TNFRSF13C: variants seen among roughly 807,000 people sequenced by gnomAD.
TNFRSF13C encodes tumor necrosis factor receptor superfamily member 13C.
In TNFRSF13C, 7 loss-of-function variants were observed where a neutral mutation model predicts 12.1. The observed-to-expected ratio is 0.58, with a 90% confidence interval of 0.33 to 1.08. The LOEUF is 1.08. TNFRSF13C is among the 50% of genes least tolerant of loss of function. The probability of loss-of-function intolerance (pLI) is 0.04; values close to 1 mark genes in which losing one functional copy is unlikely to be tolerated. For synonymous variants in TNFRSF13C, 157 were observed against 130.8 expected, an observed-to-expected ratio of 1.20 and a Z score of -1.37; for missense variants, 260 against 265.9, an observed-to-expected ratio of 0.98 and a Z score of 0.15.
rs761753878 is a variant in TNFRSF13C, at chr22:41,926,058, C to T, written c.367+43G>A. The T allele has an allele frequency of 1.2e-6, 2 of 1,610,602 alleles. No homozygotes were observed. The highest frequency in any genetic ancestry group is 1.1e-5 in the South Asian group (1 of 90,734). On this transcript the variant is annotated intron_variant, in intron 2 of 2. Transcript: ENST00000291232. The surrounding 1 kb of genome is among the most constrained non-coding windows in gnomAD (Gnocchi z 4.9). ...CCTAGACCGTCCCGACACCCCAGCC[C>T]CTGCGCCCCGCTCAGACTGGTTCCC...
rs966428998 is a variant in TNFRSF13C, at chr22:41,924,339, T to C, written c.*1028A>G. On this transcript the variant is annotated 3_prime_UTR_variant, in exon 3 of 3. Coordinates refer to ENST00000291232, the MANE Select transcript of TNFRSF13C (RefSeq NM_052945.4). ...GTCTCTACTAAAAATACAAAAAAAA[T>C]TAGCCGGGCGTGATGGCGGGCGCCT... The C allele has an allele frequency of 4.7e-5, 7 of 150,220 alleles. No individual in the cohort carries two copies. Among genetic ancestry groups the C allele is most frequent in the Non-Finnish European group, 8.9e-5 (6 of 67,466 alleles). The allele number at this position is 150,220 out of a possible 1,614,324, so 9.3% of individuals were successfully genotyped here.
At position 41,923,810 on chromosome 22, in the gene TNFRSF13C, C is replaced by T. The variant is rs1407137376; in HGVS notation, c.*1557G>A. The T allele has an allele frequency of 1.3e-5, 2 of 152,232 alleles. No homozygotes were observed. Among genetic ancestry groups the T allele is most frequent in the African/African-American group, 2.4e-5 (1 of 41,462 alleles). The allele number at this position is 152,232 out of a possible 1,614,324, so 9.4% of individuals were successfully genotyped here. On this transcript the variant is annotated 3_prime_UTR_variant, in exon 3 of 3. Transcript: ENST00000291232. ...GAGTCCAGCCCTGGAGGCTGCGCAC[C>T]TCCTCCCAAATGCAGGCTTGTGGCT...
In TNFRSF13C at chr22:41,925,350, C is replaced by T. The variant is rs1488612535; in HGVS notation, c.*17G>A. 13 of 1,592,368 alleles carry T rather than the reference C, an allele frequency of 8.2e-6. No individual in the cohort carries two copies. The highest frequency in any genetic ancestry group is 8.5e-6 in the Non-Finnish European group (10 of 1,172,766). Reference sequence around the variant, plus strand: ...GGTCCAGAGGGAGGGCAGGGGCCACCTCCTGCCGGCTCCCTGCTATTGTTG... The same window carrying T: ...GGTCCAGAGGGAGGGCAGGGGCCACTTCCTGCCGGCTCCCTGCTATTGTTG... On this transcript the variant is annotated 3_prime_UTR_variant, in exon 3 of 3. Transcript: ENST00000291232.
rs1468468985 is a variant in TNFRSF13C, at chr22:41,925,127, C to CAGGA, written c.*236_*239dup. On this transcript the variant is annotated 3_prime_UTR_variant, in exon 3 of 3. Coordinates refer to ENST00000291232, the MANE Select transcript of TNFRSF13C (RefSeq NM_052945.4). Reference sequence around the variant, plus strand: ...CCCCAGCCTTTTGAAGGCACAGGAACAGGAGCTGGGCTACCACCTTCAAGG... The same window carrying CAGGA: ...CCCCAGCCTTTTGAAGGCACAGGAACAGGAAGGAGCTGGGCTACCACCTTCAAGG... 3 of 490,236 alleles carry CAGGA rather than the reference C, an allele frequency of 6.1e-6. No individual in the cohort carries two copies. Among genetic ancestry groups the CAGGA allele is most frequent in the African/African-American group, 5.8e-5 (3 of 51,900 alleles). The allele number at this position is 490,236 out of a possible 1,614,324, so 30.4% of individuals were successfully genotyped here. A position where few individuals can be genotyped will look rare whatever the true frequency, so the allele number is the denominator to read the frequency against.
Position 41,926,255 on chromosome 22 carries a change from C to G in TNFRSF13C, c.213G>C (p.Ala71=). The change falls in exon 2 of 3, where the codon GCG becomes GCC. Residue 71 remains alanine (A), a synonymous_variant. Coordinates refer to ENST00000291232, the MANE Select transcript of TNFRSF13C (RefSeq NM_052945.4). The surrounding 1 kb of genome is among the most constrained non-coding windows in gnomAD (Gnocchi z 4.9). ...ESVGAGAGEA[A]LPLPGLLFGA... Reference sequence around the variant, plus strand: ...CAAAGAGCAGCCCGGGCAGGGGCAGCGCCGCCTCGCCGGCCCCCGCGCCCA... The same window carrying G: ...CAAAGAGCAGCCCGGGCAGGGGCAGGGCCGCCTCGCCGGCCCCCGCGCCCA... 1 of 1,504,554 alleles carries G rather than the reference C, an allele frequency of 6.6e-7. No homozygotes were observed. The highest frequency in any genetic ancestry group is 8.8e-7 in the Non-Finnish European group (1 of 1,133,912). 93.2% of individuals were successfully genotyped at this position (1,504,554 alleles called of 1,614,324 possible). A position where few individuals can be genotyped will look rare whatever the true frequency, so the allele number is the denominator to read the frequency against.
chr22:41,925,985 G>A (rs1022147870), intron 2 of TNFRSF13C, 116 bp downstream of exon 2: 2 of 1,392,858 alleles, frequency 1.4e-6, no homozygotes, highest in Non-Finnish European at 2.0e-6. Context: ...CTCTGTCTCC[G>A]TTTCCCCTTA....
rs2077625207 is a variant in TNFRSF13C at position 41,925,625 on chromosome 22, G to A, written c.368-71C>T. On this transcript the variant is annotated intron_variant, in intron 2 of 2. Transcript: ENST00000291232. ...CCTCCCTCCCCTAGAAGACTCCTCT[G>A]GAGGGGCAGTCCTCCGTCAAATGAA... The A allele has an allele frequency of 4.4e-6, 7 of 1,573,344 alleles. No homozygotes were observed. The East Asian group carries it at 1.6e-4, about 35-fold the overall frequency.
rs112684328 is a variant in TNFRSF13C, at chr22:41,923,709, G to C, written c.*1658C>G. 9 of 152,374 alleles carry C rather than the reference G, an allele frequency of 5.9e-5. 1 individual carries two copies. Among genetic ancestry groups the C allele is most frequent in the African/African-American group, 2.2e-4 (9 of 41,576 alleles). The allele number at this position is 152,374 out of a possible 1,614,324, so 9.4% of individuals were successfully genotyped here. On this transcript the variant is annotated 3_prime_UTR_variant, in exon 3 of 3. Coordinates refer to ENST00000291232, the MANE Select transcript of TNFRSF13C (RefSeq NM_052945.4). ...TTCCATGTTTATGGCTAAATGTGCT[G>C]TGTCTTGGAGCAGCTGGAACCCCAG...
Position 41,926,289 on chromosome 22 carries a change from T to G in TNFRSF13C, c.179A>C (p.Gln60Pro). The G allele has an allele frequency of 6.8e-7, 1 of 1,480,710 alleles. No homozygotes were observed. Among genetic ancestry groups the G allele is most frequent in the Non-Finnish European group, 8.9e-7 (1 of 1,123,732 alleles). The allele number at this position is 1,480,710 out of a possible 1,614,324, so 91.7% of individuals were successfully genotyped here. The change falls in exon 2 of 3, where the codon CAG (glutamine) becomes CCG (proline). Residue 60 changes from glutamine to proline, a missense_variant. Physicochemically the swap from Gln to Pro is moderately conservative, Grantham distance 76. Coordinates refer to ENST00000291232, the MANE Select transcript of TNFRSF13C (RefSeq NM_052945.4). This position sits in a 1 kb window ranked among gnomAD's most constrained non-coding sequence, Gnocchi z 4.9. Reference protein sequence around the residue: ...SPAPRTALQPQESVGAGAGEA... With the variant: ...SPAPRTALQPPESVGAGAGEA... ...GCCGGCCCCCGCGCCCACCGACTCCTGCGGCTGCAGCGCCGTCCTGGGCGC... is the reference window on the plus strand; with the variant it reads ...GCCGGCCCCCGCGCCCACCGACTCCGGCGGCTGCAGCGCCGTCCTGGGCGC...
At position 41,923,793 on chromosome 22, in the gene TNFRSF13C, C is replaced by T. The variant is rs2077616205; in HGVS notation, c.*1574G>A. On this transcript the variant is annotated 3_prime_UTR_variant, in exon 3 of 3. Coordinates refer to ENST00000291232, the MANE Select transcript of TNFRSF13C (RefSeq NM_052945.4). ...CCTTCAGCTCGAGTTTGGAGTCCAG[C>T]CCTGGAGGCTGCGCACCTCCTCCCA... The T allele has an allele frequency of 6.6e-6, 1 of 152,204 alleles. No individual in the cohort carries two copies. The highest frequency in any genetic ancestry group is 6.5e-5 in the Admixed American group (1 of 15,280). 9.4% of individuals were successfully genotyped at this position (152,204 alleles called of 1,614,324 possible). A position where few individuals can be genotyped will look rare whatever the true frequency, so the allele number is the denominator to read the frequency against.
At position 41,924,949 on chromosome 22, in the gene TNFRSF13C, C is replaced by CAAAAAAAAGAAAAA. The variant is rs2077621804; in HGVS notation, c.*417_*418insTTTTTCTTTTTTTT. 2 of 45,318 alleles carry CAAAAAAAAGAAAAA rather than the reference C, an allele frequency of 4.4e-5. No homozygotes were observed. The highest frequency in any genetic ancestry group is 2.1e-4 in the African/African-American group (2 of 9,724). The allele number at this position is 45,318 out of a possible 1,614,324, so 2.8% of individuals were successfully genotyped here. On this transcript the variant is annotated 3_prime_UTR_variant, in exon 3 of 3. Coordinates refer to ENST00000291232, the MANE Select transcript of TNFRSF13C (RefSeq NM_052945.4). ...CCTGGCGACAGAGCAAGACTCGTCT[C>CAAAAAAAAGAAAAA]AAAAAAAAAAAAAAAAAAAAAAAAA...
Position 41,926,350 on chromosome 22 carries a change from G to A in TNFRSF13C, c.137-19C>T. Reference sequence around the variant, plus strand: ...GCCCCGGCTGCTTCGGGAGGGGACAGGGAGGGAGGCCAGGGGGCCGAGGGG... The same window carrying A: ...GCCCCGGCTGCTTCGGGAGGGGACAAGGAGGGAGGCCAGGGGGCCGAGGGG... On this transcript the variant is annotated intron_variant, in intron 1 of 2. Coordinates refer to ENST00000291232, the MANE Select transcript of TNFRSF13C (RefSeq NM_052945.4). The surrounding 1 kb of genome is among the most constrained non-coding windows in gnomAD (Gnocchi z 4.9). 4 of 1,380,414 alleles carry A rather than the reference G, an allele frequency of 2.9e-6. No homozygotes were observed. In the East Asian group the frequency reaches 1.2e-4, roughly 42 times the overall value. The allele number at this position is 1,380,414 out of a possible 1,614,324, so 85.5% of individuals were successfully genotyped here.
intron 2 of TNFRSF13C, 147 bp downstream of exon 2, chr22:41,925,954 C>T: frequency 2.5e-6 from 3 of 1,186,648 alleles, no homozygotes; most frequent in South Asian, 2.7e-5. Context: ...GCCTGAGCTC[C>T]TCAGCGCAAA....
chr22:41,924,331 A>C lies in TNFRSF13C; in HGVS notation c.*1036T>G, dbSNP rs1273032042. 6.6e-6 allele frequency: 1 copy of C among 151,072 alleles called. No individual in the cohort carries two copies. Among genetic ancestry groups the C allele is most frequent in the Non-Finnish European group, 1.5e-5 (1 of 67,780 alleles). 9.4% of individuals were successfully genotyped at this position (151,072 alleles called of 1,614,324 possible). On this transcript the variant is annotated 3_prime_UTR_variant, in exon 3 of 3. Coordinates refer to ENST00000291232, the MANE Select transcript of TNFRSF13C (RefSeq NM_052945.4). ...GACACCCCGTCTCTACTAAAAATACAAAAAAAATTAGCCGGGCGTGATGGC... is the reference window on the plus strand; with the variant it reads ...GACACCCCGTCTCTACTAAAAATACCAAAAAAATTAGCCGGGCGTGATGGC...
chr22:41,926,341 G>A lies in TNFRSF13C; in HGVS notation c.137-10C>T. 1 of 1,404,032 alleles carries A rather than the reference G, an allele frequency of 7.1e-7. No individual in the cohort carries two copies. The highest frequency in any genetic ancestry group is 9.2e-7 in the Non-Finnish European group (1 of 1,087,558). The allele number at this position is 1,404,032 out of a possible 1,614,324, so 87.0% of individuals were successfully genotyped here. ...GGGCTGCTGGCCCCGGCTGCTTCGG[G>A]AGGGGACAGGGAGGGAGGCCAGGGG... On this transcript the variant is annotated splice_polypyrimidine_tract_variant and intron_variant, in intron 1 of 2. Coordinates refer to ENST00000291232, the MANE Select transcript of TNFRSF13C (RefSeq NM_052945.4). The surrounding 1 kb of genome is among the most constrained non-coding windows in gnomAD (Gnocchi z 4.9).
chr22:41,926,707 C>A lies in TNFRSF13C; in HGVS notation c.67G>T (p.Glu23Ter), dbSNP rs2077634682. The A allele has an allele frequency of 6.9e-7, 1 of 1,453,452 alleles. No homozygotes were observed. The highest frequency in any genetic ancestry group is 9.0e-7 in the Non-Finnish European group (1 of 1,107,590). The allele number at this position is 1,453,452 out of a possible 1,614,324, so 90.0% of individuals were successfully genotyped here. The stretch of plus-strand genomic sequence containing the variant: ...TGGCGGACCAGCAGGTCGAAGCACT[C>A]GGCCGGGACGCAGGGCGTGGGGGCT... ...APAPTPCVPA[E>*]CFDLLVRHCV... The change falls in exon 1 of 3, where the codon GAG becomes TAG. Residue 23 changes from glutamate (E) to a stop codon, truncating the protein, a stop_gained. Transcript: ENST00000291232. LOFTEE classifies it high-confidence loss of function. The surrounding 1 kb of genome is among the most constrained non-coding windows in gnomAD (Gnocchi z 4.9).
Position 41,925,330 on chromosome 22 carries a change from A to T in TNFRSF13C, c.*37T>A. The T allele has an allele frequency of 6.3e-7, 1 of 1,576,052 alleles. No individual in the cohort carries two copies. On this transcript the variant is annotated 3_prime_UTR_variant, in exon 3 of 3. Transcript: ENST00000291232. ...TTTCCAAGCCCCTGGCTGGGGGTCC[A>T]GAGGGAGGGCAGGGGCCACCTCCTG...
In TNFRSF13C at chr22:41,922,792, G is replaced by C. The variant is rs937183270; in HGVS notation, c.*2575C>G. ...TCAAGAGAAGATGGGGTGGGAGATG[G>C]GGTGGCCAGGAGAAGATGGGGTGGG... is the stretch of plus-strand genomic sequence containing the variant. On this transcript the variant is annotated 3_prime_UTR_variant, in exon 3 of 3. Coordinates refer to ENST00000291232, the MANE Select transcript of TNFRSF13C (RefSeq NM_052945.4). The C allele has an allele frequency of 1.3e-5, 2 of 149,244 alleles. No individual in the cohort carries two copies. Among genetic ancestry groups the C allele is most frequent in the African/African-American group, 5.0e-5 (2 of 40,260 alleles). 9.2% of individuals were successfully genotyped at this position (149,244 alleles called of 1,614,324 possible).
In TNFRSF13C at chr22:41,926,639, C is replaced by T. The variant is rs2077634125; in HGVS notation, c.135G>A (p.Pro45=). ...GCGCGCCCCGTGGGTCCCCCTTACCCGGTTTCGGCCGCGGCGTGCGCAGGA... is the reference window on the plus strand; with the variant it reads ...GCGCGCCCCGTGGGTCCCCCTTACCTGGTTTCGGCCGCGGCGTGCGCAGGA... ...CGLLRTPRPK[P]AGASSPAPRT... The change falls in exon 1 of 3, where the codon CCG becomes CCA. Residue 45 remains proline (P), a splice_region_variant and synonymous_variant. Transcript: ENST00000291232. The surrounding 1 kb of genome is among the most constrained non-coding windows in gnomAD (Gnocchi z 4.9). 4 of 1,458,882 alleles carry T rather than the reference C, an allele frequency of 2.7e-6. No individual in the cohort carries two copies. Among genetic ancestry groups the T allele is most frequent in the Non-Finnish European group, 3.6e-6 (4 of 1,110,606 alleles). The allele number at this position is 1,458,882 out of a possible 1,614,324, so 90.4% of individuals were successfully genotyped here. A position where few individuals can be genotyped will look rare whatever the true frequency, so the allele number is the denominator to read the frequency against.
Sources: allele counts gnomAD v4.1 joint callset, GRCh38; gene constraint gnomAD v4.1.1; non-coding constraint Gnocchi (gnomAD v3.1); transcripts MANE v1.5; gene names NCBI Gene and HGNC (gene_info 2026-07-23, HGNC 2026-07-21).